Variants in PPARD observed in about 807,000 individuals in gnomAD.
PPARD encodes the protein peroxisome proliferator-activated receptor delta.
PPARD carries 6 observed loss-of-function variants against 39.5 expected under a neutral mutation model. The observed-to-expected ratio is 0.15, with a 90% confidence interval of 0.08 to 0.30. The LOEUF is 0.30. PPARD is among the 10% of genes least tolerant of loss of function. The pLI is 1.00. For synonymous variants in PPARD, 210 were observed against 231.3 expected (o/e 0.91, Z 0.83); for missense variants, 397 against 596.8 (o/e 0.67, Z 3.49).
chr6:35,372,919 G>C (rs1442810356), intron 2 of PPARD, among the ~76,000 whole-genome samples: 3 of 152,174 alleles, frequency 2.0e-5, no homozygotes, highest in African/African-American at 7.2e-5. Context: ...TTCCTGAGAT[G>C]GGTAATTTAT....
At chr6:35,357,752 G>T (rs1364146360) in intron 2 of PPARD, among the ~76,000 whole-genome samples, 1 of 151,838 alleles carries the variant, frequency 6.6e-6, no homozygotes, top group Admixed American at 6.6e-5. Context: ...GGCCAGGCTG[G>T]TCTCAAACTC....
At chr6:35,410,956 C>T in intron 2 of PPARD, 31 bp from the exon 3 acceptor site, 1 of 1,262,876 alleles carries the variant, frequency 7.9e-7, no homozygotes, top group Non-Finnish European at 1.0e-6. Flanking sequence ...ACTGCCTCCC[C>T]TGACCTCTTC....
chr6:35,356,868 C>T (rs927636121), intron 2 of PPARD, among the ~76,000 whole-genome samples: 10 of 152,214 alleles, frequency 6.6e-5, no homozygotes, highest in African/African-American at 2.4e-4. Context: ...ATTGTTCTTA[C>T]ATTAGAAGTT....
intron 2 of PPARD, among the ~76,000 whole-genome samples, chr6:35,358,568 G>C (rs377214133): frequency 6.6e-6 from 1 of 152,178 alleles, no homozygotes; most frequent in Non-Finnish European, 1.5e-5. Flanking sequence ...CACAAGGAGA[G>C]CATAGGCCCA....
chr6:35,423,845 G>A, intron 5 of PPARD, 101 bp from the exon 6 acceptor site: 2 of 1,150,938 alleles, frequency 1.7e-6, no homozygotes, highest in Non-Finnish European at 2.5e-6. Flanking sequence ...GGGGCCTTAG[G>A]CTCCAAAAGG....
chr6:35,421,316 TTTTG>T (rs143375880), intron 4 of PPARD, among the ~76,000 whole-genome samples: 97,367 of 148,646 alleles, frequency 0.66, 34,204 homozygotes, highest in South Asian at 0.79. Context: ...TGTGTTTTTT[TTTTG>T]TTTTGTTTTG....
chr6:35,349,061 T>C (rs1761065643), intron 2 of PPARD: 1 of 971,360 alleles, frequency 1.0e-6, no homozygotes, highest in Non-Finnish European at 1.2e-6. Context: ...AGTCTCGCTC[T>C]GTCACCCAGG....
intron 2 of PPARD, among the ~76,000 whole-genome samples, chr6:35,376,119 G>A (rs188134944): frequency 6.6e-6 from 1 of 152,218 alleles, no homozygotes. Flanking sequence ...CAAAGAAAAA[G>A]CCTTTTTACT....
chr6:35,412,424 G>A lies in PPARD; in HGVS notation c.130+1207G>A, dbSNP rs367619105. On this transcript the variant is annotated intron_variant, in intron 3 of 7. Transcript: ENST00000360694. This position sits in a 1 kb window ranked among gnomAD's most constrained non-coding sequence, Gnocchi z 4.1. ...GATCCTAGCCACAGGCGGTGACTCA[G>A]GCAGAGGAGCAAGCCCACCCCGCAG... Among the ~76,000 whole-genome samples, 42 of 152,350 alleles carry A rather than the reference G, an allele frequency of 2.8e-4. No homozygotes were observed. In the East Asian group the frequency reaches 5.4e-3, roughly 20 times the overall value.
At chr6:35,392,083 C>G (rs1004129980) in intron 2 of PPARD, among the ~76,000 whole-genome samples, 3 of 151,974 alleles carry the variant, frequency 2.0e-5, no homozygotes, top group African/African-American at 4.8e-5. Flanking sequence ...ATCTGGACTG[C>G]CCTTGGAATT....
chr6:35,418,615 A>G (rs1765933008), intron 3 of PPARD, among the ~76,000 whole-genome samples: 1 of 152,180 alleles, frequency 6.6e-6, no homozygotes, highest in South Asian at 2.1e-4. Context: ...GAGAAGACCA[A>G]AGCGGCTTCA....
chr6:35,343,213 C>T (rs778173093), intron 1 of PPARD, among the ~76,000 whole-genome samples: 6 of 152,108 alleles, frequency 3.9e-5, no homozygotes, highest in Non-Finnish European at 5.9e-5. Context: ...GCTTTACTCT[C>T]TCTCCCCATC....
chr6:35,364,446 T>TTTTTG (rs1433955465), intron 2 of PPARD, among the ~76,000 whole-genome samples: 4 of 150,422 alleles, frequency 2.7e-5, no homozygotes, highest in Non-Finnish European at 5.9e-5. Flanking sequence ...TTTTTTTTTT[T>TTTTTG]TTTTTGAGAC....
chr6:35,425,499 G>A lies in PPARD; in HGVS notation c.1079-333G>A, dbSNP rs772046768. The A allele has an allele frequency of 2.9e-5, 30 of 1,018,298 alleles. No homozygotes were observed. The highest frequency in any genetic ancestry group is 3.7e-5 in the Non-Finnish European group (29 of 786,746). The allele number at this position is 1,018,298 out of a possible 1,614,324, so 63.1% of individuals were successfully genotyped here. Reference sequence around the variant, plus strand: ...ACCCTGTGCAGGAAGAATGTTTTGTGTCTCCATTTTACACATCAGAGAGGC... The same window carrying A: ...ACCCTGTGCAGGAAGAATGTTTTGTATCTCCATTTTACACATCAGAGAGGC... On this transcript the variant is annotated intron_variant, in intron 7 of 7. Transcript: ENST00000360694. The surrounding 1 kb of genome is among the most constrained non-coding windows in gnomAD (Gnocchi z 4.5).
intron 2 of PPARD, among the ~76,000 whole-genome samples, chr6:35,354,218 C>A (rs1277374277): frequency 8.5e-6 from 1 of 117,838 alleles, no homozygotes; most frequent in Non-Finnish European, 1.6e-5. Context: ...GGCGACAGAG[C>A]GAGACTCCGT....
At chr6:35,368,571 C>T (rs1762323309) in intron 2 of PPARD, among the ~76,000 whole-genome samples, 1 of 152,180 alleles carries the variant, frequency 6.6e-6, no homozygotes, top group South Asian at 2.1e-4. Flanking sequence ...GGGAGTACAG[C>T]CTGGTTGGGA....
chr6:35,374,740 C>G (rs1023933849), intron 2 of PPARD, among the ~76,000 whole-genome samples: 2 of 151,948 alleles, frequency 1.3e-5, no homozygotes, highest in African/African-American at 4.8e-5. Context: ...TACGGGACAT[C>G]TTCACTGAGG....
intron 3 of PPARD, among the ~76,000 whole-genome samples, chr6:35,417,063 G>A (rs1765819702): frequency 6.6e-6 from 1 of 151,942 alleles, no homozygotes; most frequent in Non-Finnish European, 1.5e-5. Flanking sequence ...CTGCAACCTG[G>A]ACCTCCCAGG....
chr6:35,368,952 A>C (rs918625998), intron 2 of PPARD, among the ~76,000 whole-genome samples: 3 of 152,148 alleles, frequency 2.0e-5, no homozygotes, highest in Non-Finnish European at 2.9e-5. Context: ...TCTGGTTGGT[A>C]TCTTTGGTGT....
Sources: allele counts gnomAD v4.1 joint callset (sites outside exome capture counted in the v4.1 genomes callset), GRCh38; gene constraint gnomAD v4.1.1; non-coding constraint Gnocchi (gnomAD v3.1); transcripts MANE v1.5; gene names NCBI Gene and HGNC (gene_info 2026-07-23, HGNC 2026-07-21).